The following DNAJB5 variants were observed in gnomAD, a reference collection of about 807,000 sequenced individuals.
DNAJB5 encodes the protein DnaJ heat shock protein family (Hsp40) member B5.
In DNAJB5, 12 loss-of-function variants were observed where a neutral mutation model predicts 32.6. The ratio of observed to expected loss-of-function variants is 0.37; its 90% CI spans 0.24 to 0.60. DNAJB5 has a LOEUF of 0.60. Among genes scored for constraint, DNAJB5 ranks in the 20% least tolerant of loss-of-function variants. DNAJB5 has a pLI of 0.71. For missense variants in DNAJB5, 358 were observed against 554.2 expected, an observed-to-expected ratio of 0.65 and a Z score of 3.55; for synonymous variants, 188 against 212.9, an observed-to-expected ratio of 0.88 and a Z score of 1.02.
At chr9:34,992,986 G>A in intron 2 of DNAJB5, 1 of 1,396,460 alleles carries the variant, frequency 7.2e-7, no homozygotes, top group Admixed American at 3.1e-5. Context: ...AAACCCAGGA[G>A]GTGAGGACGG....
At position 34,997,261 on chromosome 9, in the gene DNAJB5, C is replaced by T; in HGVS notation, c.*2C>T. 1.9e-6 allele frequency: 3 copies of T among 1,613,980 alleles called. No individual in the cohort carries two copies. Among genetic ancestry groups the T allele is most frequent in the Non-Finnish European group, 2.5e-6 (3 of 1,179,832 alleles). On this transcript the variant is annotated 3_prime_UTR_variant, in exon 5 of 5. Transcript: ENST00000682809. This position sits in a 1 kb window ranked among gnomAD's most constrained non-coding sequence, Gnocchi z 4.1. ...AAGCAGCACCTACCCTGTTCCTAGG[C>T]TCTGCCCCAGCCAGTCCAGAGCCTA...
At chr9:34,989,953 G>T in intron 1 of DNAJB5, 122 bp downstream of exon 1, 1 of 1,156,532 alleles carries the variant, frequency 8.6e-7, no homozygotes, top group Non-Finnish European at 1.1e-6. Context: ...GGGATGCGGG[G>T]CCCCGGGGTC....
rs372108309 is a variant in DNAJB5, at chr9:34,997,112, C to T, written c.1116C>T (p.Thr372=). Residue 372 remains threonine, a synonymous_variant, in exon 5 of 5, where the codon ACC becomes ACT. Transcript: ENST00000682809. The surrounding 1 kb of genome is among the most constrained non-coding windows in gnomAD (Gnocchi z 4.1). ...LPCNDVIKPG[T]VKRLRGEGLP... is the part of the protein sequence containing the mutation. ...GCAATGATGTCATCAAGCCAGGCAC[C>T]GTGAAGAGACTCCGTGGGGAGGGCC... 3.8e-5 allele frequency: 61 copies of T among 1,614,046 alleles called. No homozygotes were observed. The highest frequency in any genetic ancestry group is 3.6e-4 in the African/African-American group (27 of 74,908).
Position 34,990,470 on chromosome 9 carries a change from T to A in DNAJB5, c.-132-29T>A. The stretch of plus-strand genomic sequence containing the variant: ...TGAGAGCAGGTGGCCGCGGGTCTTC[T>A]CCCTTCACTCTCCACATTTGGGGAT... On this transcript the variant is annotated intron_variant, in intron 1 of 4. Coordinates refer to ENST00000682809, the MANE Select transcript of DNAJB5 (RefSeq NM_001349723.3). This position sits in a 1 kb window ranked among gnomAD's most constrained non-coding sequence, Gnocchi z 4.5. The A allele has an allele frequency of 3.9e-6, 6 of 1,535,712 alleles. No individual in the cohort carries two copies. The highest frequency in any genetic ancestry group is 5.2e-6 in the Non-Finnish European group (6 of 1,146,406).
At position 34,996,056 on chromosome 9, in the gene DNAJB5, A is replaced by C. The variant is rs111414243; in HGVS notation, c.428-209A>C. On this transcript the variant is annotated intron_variant, in intron 3 of 4. Coordinates refer to ENST00000682809, the MANE Select transcript of DNAJB5 (RefSeq NM_001349723.3). The surrounding 1 kb of genome is among the most constrained non-coding windows in gnomAD (Gnocchi z 7.2). ...GGGTAAGCAAGCCTCTTTGAATCTC[A>C]AGTTGTGCATCGTTATTAAATATAT... is the stretch of plus-strand genomic sequence containing the variant. 7.6e-3 allele frequency among the ~76,000 whole-genome samples: 1,151 copies of C among 152,204 alleles called. 17 individuals are homozygous for C. The highest frequency in any genetic ancestry group is 0.026 in the African/African-American group (1,062 of 41,522).
intron 3 of DNAJB5, among the ~76,000 whole-genome samples, chr9:34,995,867 T>C (rs562358382): frequency 4.6e-5 from 7 of 152,324 alleles, no homozygotes; most frequent in Admixed American, 3.3e-4. Context: ...TATATGTCTT[T>C]GGAGATAAGC....
At position 34,996,144 on chromosome 9, in the gene DNAJB5, G is replaced by C; in HGVS notation, c.428-121G>C. Reference sequence around the variant, plus strand: ...TTACTCTATTAGCCTGGCCCTCTCTGTGGGATTTAAAGGTTGCTTCTTTCT... The same window carrying C: ...TTACTCTATTAGCCTGGCCCTCTCTCTGGGATTTAAAGGTTGCTTCTTTCT... On this transcript the variant is annotated intron_variant, in intron 3 of 4. Coordinates refer to ENST00000682809, the MANE Select transcript of DNAJB5 (RefSeq NM_001349723.3). This position sits in a 1 kb window ranked among gnomAD's most constrained non-coding sequence, Gnocchi z 7.2. 7.5e-7 allele frequency: 1 copy of C among 1,340,194 alleles called. No homozygotes were observed. Among genetic ancestry groups the C allele is most frequent in the East Asian group, 2.5e-5 (1 of 40,788 alleles). The allele number at this position is 1,340,194 out of a possible 1,614,324, so 83.0% of individuals were successfully genotyped here.
downstream of DNAJB5, chr9:34,998,747 TTC>T (rs747120569): frequency 6.6e-6 from 1 of 152,150 alleles, no homozygotes; most frequent in Non-Finnish European, 1.5e-5. Context: ...TGTCTAAATT[TTC>T]TCTGAGTCAG....
chr9:34,996,883 C>T lies in DNAJB5; in HGVS notation c.1029+17C>T, dbSNP rs1563952245. On this transcript the variant is annotated intron_variant, in intron 4 of 4. Coordinates refer to ENST00000682809, the MANE Select transcript of DNAJB5 (RefSeq NM_001349723.3). The surrounding 1 kb of genome is among the most constrained non-coding windows in gnomAD (Gnocchi z 7.2). Reference sequence around the variant, plus strand: ...CTCAAGGAGGTGGGGCCTAGTCAGGCTGTGTGTGTGTGCTGGGGAGATGGT... The same window carrying T: ...CTCAAGGAGGTGGGGCCTAGTCAGGTTGTGTGTGTGTGCTGGGGAGATGGT... The T allele has an allele frequency of 6.3e-7, 1 of 1,596,630 alleles. No individual in the cohort carries two copies. The highest frequency in any genetic ancestry group is 8.5e-7 in the Non-Finnish European group (1 of 1,171,322).
rs1331768862 is a variant in DNAJB5, at chr9:34,990,639, G to A, written c.9G>A (p.Lys3=). 5 of 1,551,464 alleles carry A rather than the reference G, an allele frequency of 3.2e-6. No individual in the cohort carries two copies. Among genetic ancestry groups the A allele is most frequent in the Admixed American group, 2.0e-5 (1 of 50,978 alleles). Residue 3 remains lysine (K), a synonymous_variant, in exon 2 of 5, where the codon AAG becomes AAA. Coordinates refer to ENST00000682809, the MANE Select transcript of DNAJB5 (RefSeq NM_001349723.3). This position sits in a 1 kb window ranked among gnomAD's most constrained non-coding sequence, Gnocchi z 4.5. ...GAGGGGCTTGGCTGGGCATGTTTAA[G>A]CGCACAGTGCTCTCCTGCCCACCCC... MF[K]RTVLSCPPPA... is the part of the protein sequence containing the mutation.
At chr9:34,991,213 C>G (rs1003796314) in intron 2 of DNAJB5, 3 of 428,248 alleles carry the variant, frequency 7.0e-6, no homozygotes, top group African/African-American at 6.1e-5. Flanking sequence ...TCCTTCCTGC[C>G]TCTACCTTAA....
chr9:34,996,460 A>T lies in DNAJB5; in HGVS notation c.623A>T (p.Asp208Val), dbSNP rs1827798087. ...PDDMDVDEDE[D>V]PFGAFGRFGF... The stretch of plus-strand genomic sequence containing the variant: ...GACATGGATGTGGATGAAGATGAGG[A>T]CCCATTTGGCGCTTTCGGCCGTTTT... Residue 208 changes from aspartate to valine, a missense_variant, in exon 4 of 5, where the codon GAC (aspartate) becomes GTC (valine). Coordinates refer to ENST00000682809, the MANE Select transcript of DNAJB5 (RefSeq NM_001349723.3). The surrounding 1 kb of genome is among the most constrained non-coding windows in gnomAD (Gnocchi z 7.2). 6.2e-7 allele frequency: 1 copy of T among 1,614,018 alleles called. No individual in the cohort carries two copies.
rs1827708988 is a variant in DNAJB5 at position 34,993,415 on chromosome 9, G to A, written c.398G>A (p.Arg133Gln). Residue 133 changes from arginine to glutamine, a missense_variant, in exon 3 of 5, where the codon CGG (arginine) becomes CAG (glutamine). By Grantham distance (43) the Arg-to-Gln change is conservative. Transcript: ENST00000682809. The surrounding 1 kb of genome is among the most constrained non-coding windows in gnomAD (Gnocchi z 4.7). ...GATGTGCTAAGTGACCCCAAGAAAC[G>A]GGGCCTGTATGACCAGTATGGGGAG... ...AYDVLSDPKK[R>Q]GLYDQYGEEG... The A allele has an allele frequency of 3.7e-6, 6 of 1,613,446 alleles. No individual in the cohort carries two copies. The highest frequency in any genetic ancestry group is 1.3e-5 in the African/African-American group (1 of 74,774).
rs999296846 is a variant in DNAJB5, at chr9:34,990,033, G to C, written c.-133+202G>C. Reference sequence around the variant, plus strand: ...GGGCAGCCAGCGTCTGAGTCGGGGAGGGGAGGGGAGGGGAGGGTCGAGTCG... The same window carrying C: ...GGGCAGCCAGCGTCTGAGTCGGGGACGGGAGGGGAGGGGAGGGTCGAGTCG... On this transcript the variant is annotated intron_variant, in intron 1 of 4. Transcript: ENST00000682809. This position sits in a 1 kb window ranked among gnomAD's most constrained non-coding sequence, Gnocchi z 4.5. Among the ~76,000 whole-genome samples the C allele has an allele frequency of 1.6e-4, 25 of 152,022 alleles. No individual in the cohort carries two copies. The highest frequency in any genetic ancestry group is 5.5e-4 in the African/African-American group (23 of 41,478).
rs1409941747 is a variant in DNAJB5 at position 34,996,403 on chromosome 9, C to T, written c.566C>T (p.Ser189Phe). Reference sequence around the variant, plus strand: ...GATATCTTCTTTGCCAGCAGCCGCTCCACTCGGCCCTTCAGTGGCTTTGAC... The same window carrying T: ...GATATCTTCTTTGCCAGCAGCCGCTTCACTCGGCCCTTCAGTGGCTTTGAC... Reference protein sequence around the residue: ...PFDIFFASSRSTRPFSGFDPD... With the variant: ...PFDIFFASSRFTRPFSGFDPD... Residue 189 changes from serine (S) to phenylalanine (F), a missense_variant, in exon 4 of 5, where the codon TCC becomes TTC. This residue lies in a region of DNAJB5 where 248 missense variants were observed against 442.6 expected (regional missense o/e 0.56). Transcript: ENST00000682809. The surrounding 1 kb of genome is among the most constrained non-coding windows in gnomAD (Gnocchi z 7.2). 1.2e-6 allele frequency: 2 copies of T among 1,614,198 alleles called. No individual in the cohort carries two copies. Among genetic ancestry groups the T allele is most frequent in the South Asian group, 1.1e-5 (1 of 91,088 alleles).
chr9:34,993,632 G>A lies in DNAJB5; in HGVS notation c.427+188G>A, dbSNP rs1159667869. On this transcript the variant is annotated intron_variant, in intron 3 of 4. Transcript: ENST00000682809. The surrounding 1 kb of genome is among the most constrained non-coding windows in gnomAD (Gnocchi z 4.7). ...AGCTCAGCTCACCCTAGTTCTCCCCGCCTCTCTCTGCCCCCTCCCTCCTCG... is the reference window on the plus strand; with the variant it reads ...AGCTCAGCTCACCCTAGTTCTCCCCACCTCTCTCTGCCCCCTCCCTCCTCG... Among the ~76,000 whole-genome samples the A allele has an allele frequency of 1.3e-5, 2 of 152,064 alleles. No individual in the cohort carries two copies. Among genetic ancestry groups the A allele is most frequent in the Non-Finnish European group, 2.9e-5 (2 of 68,004 alleles).
rs577181802 is a variant in DNAJB5 at position 34,996,541 on chromosome 9, G to T, written c.704G>T (p.Arg235Leu). 6.2e-7 allele frequency: 1 copy of T among 1,614,054 alleles called. No homozygotes were observed. Among genetic ancestry groups the T allele is most frequent in the South Asian group, 1.1e-5 (1 of 91,076 alleles). ...CGAGCCCCAGAACCACTGTACCCTC[G>T]GCGCAAGGTGCAGGACCCCCCAGTG... ...PRRAPEPLYP[R>L]RKVQDPPVVH... The change falls in exon 4 of 5, where the codon CGG becomes CTG. Residue 235 changes from arginine to leucine, a missense_variant. This residue lies in a region of DNAJB5 where 248 missense variants were observed against 442.6 expected (regional missense o/e 0.56). Transcript: ENST00000682809. This position sits in a 1 kb window ranked among gnomAD's most constrained non-coding sequence, Gnocchi z 7.2.
intron 1 of DNAJB5, 140 bp downstream of exon 1, chr9:34,989,971 T>G (rs1827574018): frequency 1.1e-6 from 1 of 914,006 alleles, no homozygotes. Context: ...GTCTGCAGGG[T>G]GCTCGGAGTC....
chr9:34,996,321 T>G lies in DNAJB5; in HGVS notation c.484T>G (p.Phe162Val). ...CTCCAGTGGCTCCTTTCACTACACC[T>G]TTCATGGGGACCCCCATGCCACCTT... Reference protein sequence around the residue: ...GGSSGSFHYTFHGDPHATFAS... With the variant: ...GGSSGSFHYTVHGDPHATFAS... The change falls in exon 4 of 5, where the codon TTT becomes GTT. Residue 162 changes from phenylalanine (F) to valine (V), a missense_variant. Physicochemically the swap from Phe to Val is conservative, Grantham distance 50. Transcript: ENST00000682809. This position sits in a 1 kb window ranked among gnomAD's most constrained non-coding sequence, Gnocchi z 7.2. The G allele has an allele frequency of 6.2e-7, 1 of 1,614,118 alleles. No individual in the cohort carries two copies. The highest frequency in any genetic ancestry group is 8.5e-7 in the Non-Finnish European group (1 of 1,180,022).
Sources: gnomAD v4.1 joint callset for allele counts (sites outside exome capture counted in the v4.1 genomes callset) on GRCh38, gnomAD v4.1.1 for gene constraint, gnomAD v4.1.1 regional missense constraint, Gnocchi (gnomAD v3.1) non-coding constraint, MANE v1.5 for transcripts, NCBI Gene and HGNC (gene_info 2026-07-23, HGNC 2026-07-21) for gene names.